The following NMRAL1 variants were observed in gnomAD, a reference collection of about 807,000 sequenced individuals.
The protein encoded by NMRAL1 is nmrA-like family domain-containing protein 1.
Under a neutral mutation model 27.5 loss-of-function variants are expected in NMRAL1, and 32 were observed. The observed-to-expected ratio is 1.16, with a 90% confidence interval of 0.88 to 1.56. NMRAL1 has a LOEUF of 1.56. Ranked by LOEUF, NMRAL1 falls within the 40% of genes most tolerant of loss-of-function variation. The pLI, the probability that NMRAL1 is intolerant of heterozygous loss-of-function variation, is 0.00. For missense variants in NMRAL1, 420 were observed against 392.0 expected (o/e 1.07, Z -0.60); for synonymous variants, 166 against 166.8 (o/e 1.00, Z 0.04).
chr16:4,466,339 C>A lies in NMRAL1; in HGVS notation c.343G>T (p.Glu115Ter). 6.2e-7 allele frequency: 1 copy of A among 1,613,888 alleles called. No homozygotes were observed. The highest frequency in any genetic ancestry group is 1.1e-5 in the South Asian group (1 of 91,062). Residue 115 changes from glutamate to a stop codon, truncating the protein, a stop_gained, in exon 4 of 6, where the codon GAG becomes TAG. Transcript: ENST00000283429. LOFTEE classifies it high-confidence loss of function. ...CCTGCCGTCAGCTTCTTGATGTTCTCCAGGCCGCTGTAGACCACATAGTGG... is the reference window on the plus strand; with the variant it reads ...CCTGCCGTCAGCTTCTTGATGTTCTACAGGCCGCTGTAGACCACATAGTGG... ...GLHYVVYSGLENIKKLTAGRL... is the reference protein window; with the variant it reads ...GLHYVVYSGL
chr16:4,474,376 G>C (rs919042237), intron 1 of NMRAL1, 178 bp downstream of exon 1: 3 of 495,362 alleles, frequency 6.1e-6, no homozygotes, highest in South Asian at 2.5e-5. Context: ...GCCTCCCCCG[G>C]TTCCAGTCAC....
chr16:4,470,753 C>G (rs2057531762), intron 2 of NMRAL1, among the ~76,000 whole-genome samples: 1 of 151,974 alleles, frequency 6.6e-6, no homozygotes, highest in Non-Finnish European at 1.5e-5. Context: ...CGAGACCATC[C>G]TGGCTAACAC....
upstream of NMRAL1, chr16:4,475,007 A>AGT (rs1320512536): frequency 6.6e-6 from 1 of 151,982 alleles, no homozygotes; most frequent in East Asian, 1.9e-4. Context: ...GCTGGTGTGC[A>AGT]GTGGCGCGAT....
In NMRAL1 at chr16:4,463,711, C is replaced by A; in HGVS notation, c.669G>T (p.Glu223Asp). Residue 223 changes from glutamate (E) to aspartate (D), a missense_variant, in exon 5 of 6, where the codon GAG (glutamate) becomes GAT (aspartate). Physicochemically the swap from Glu to Asp is conservative, Grantham distance 45. Transcript: ENST00000283429. ...GLSTCRHTAE[E>D]YAALLTKHTR... Reference sequence around the variant, plus strand: ...TGTGCTTGGTGAGCAGGGCAGCGTACTCCTCGGCCGTGTGCCTGCAAGTGC... The same window carrying A: ...TGTGCTTGGTGAGCAGGGCAGCGTAATCCTCGGCCGTGTGCCTGCAAGTGC... The A allele has an allele frequency of 6.2e-7, 1 of 1,614,062 alleles. No homozygotes were observed. The highest frequency in any genetic ancestry group is 1.7e-5 in the Admixed American group (1 of 60,016).
chr16:4,466,645 G>C (rs2057341026), intron 3 of NMRAL1: 2 of 541,924 alleles, frequency 3.7e-6, no homozygotes, highest in Admixed American at 3.1e-5. Flanking sequence ...ACATAGGACG[G>C]GGGGGCAGGT....
At chr16:4,467,689 G>A (rs1280527324) in intron 3 of NMRAL1, among the ~76,000 whole-genome samples, 5 of 148,064 alleles carry the variant, frequency 3.4e-5, no homozygotes, top group Non-Finnish European at 7.5e-5. Context: ...GCACAATCTT[G>A]GCTCACTGCA....
Position 4,469,354 on chromosome 16 carries a change from C to G in NMRAL1, c.152G>C (p.Gly51Ala). The G allele has an allele frequency of 1.2e-6, 2 of 1,614,134 alleles. No homozygotes were observed. Among genetic ancestry groups the G allele is most frequent in the Non-Finnish European group, 8.5e-7 (1 of 1,179,970 alleles). ...TTGGTCTCCCTGCACTACTTCTGCA[C>G]CTTGCAGCCTCAGCTCCTTTGCTGC... is the stretch of plus-strand genomic sequence containing the variant. The part of the protein sequence containing the change: ...KKAAKELRLQ[G>A]AEVVQGDQDD... The change falls in exon 3 of 6, where the codon GGT (glycine) becomes GCT (alanine). Residue 51 changes from glycine (G) to alanine (A), a missense_variant. Gly to Ala is a moderately conservative substitution (Grantham distance 60). Transcript: ENST00000283429.
chr16:4,472,743 CAAAA>C (rs1351049797), intron 2 of NMRAL1, among the ~76,000 whole-genome samples: 3 of 77,058 alleles, frequency 3.9e-5, no homozygotes, highest in Non-Finnish European at 5.7e-5. Flanking sequence ...GACTCTGTCT[CAAAA>C]AAAAAAAAAA....
chr16:4,475,680 G>C (rs1293729957), upstream of NMRAL1, among the ~76,000 whole-genome samples: 1 of 151,508 alleles, frequency 6.6e-6, no homozygotes, highest in Non-Finnish European at 1.5e-5. Context: ...GCGGTGGCCT[G>C]TAATTGCAGT....
intron 3 of NMRAL1, among the ~76,000 whole-genome samples, chr16:4,467,545 G>C (rs1454119048): frequency 6.6e-6 from 1 of 151,688 alleles, no homozygotes; most frequent in Admixed American, 6.6e-5. Flanking sequence ...CCAAGACTCT[G>C]GAGAGAGGGT....
intron 4 of NMRAL1, among the ~76,000 whole-genome samples, chr16:4,464,959 G>C (rs2057262188): frequency 6.7e-6 from 1 of 149,086 alleles, no homozygotes; most frequent in South Asian, 2.1e-4. Flanking sequence ...CCAGGCTGGA[G>C]TGCAGTGCCA....
In NMRAL1 at chr16:4,474,178, G is replaced by A. The variant is rs757637260; in HGVS notation, c.-34-12C>T. The A allele has an allele frequency of 1.3e-6, 2 of 1,596,456 alleles. No homozygotes were observed. The highest frequency in any genetic ancestry group is 1.7e-5 in the Admixed American group (1 of 58,504). ...TCCGGTCCAGAGATCTGGGGGTAAT[G>A]GGAGGCGTGGAGTTGGGGGTGGGGC... On this transcript the variant is annotated splice_polypyrimidine_tract_variant and intron_variant, in intron 1 of 5. Transcript: ENST00000283429.
rs532024887 is a variant in NMRAL1, at chr16:4,473,002, G to C, written c.40+1091C>G. On this transcript the variant is annotated intron_variant, in intron 2 of 5. Transcript: ENST00000283429. Reference sequence around the variant, plus strand: ...TTTTTTTTTTTTTTTTTGAGATCAGGTCTCACTCTGTTGCCCAGGCTGGAG... The same window carrying C: ...TTTTTTTTTTTTTTTTTGAGATCAGCTCTCACTCTGTTGCCCAGGCTGGAG... Among the ~76,000 whole-genome samples the C allele has an allele frequency of 4.8e-5, 7 of 146,658 alleles. No homozygotes were observed. The East Asian group carries it at 1.4e-3, about 29-fold the overall frequency.
chr16:4,468,042 G>A (rs543640167), intron 3 of NMRAL1, among the ~76,000 whole-genome samples: 3 of 152,106 alleles, frequency 2.0e-5, no homozygotes, highest in East Asian at 3.9e-4. Context: ...GCTCATGCCC[G>A]CAGTCCCAGC....
At chr16:4,465,708 A>C (rs2057296349) in intron 4 of NMRAL1, among the ~76,000 whole-genome samples, 1 of 152,122 alleles carries the variant, frequency 6.6e-6, no homozygotes, top group African/African-American at 2.4e-5. Context: ...CTGCCAGTAC[A>C]GGTGGGTGGC....
chr16:4,475,059 C>A (rs375911986), upstream of NMRAL1, among the ~76,000 whole-genome samples: 1 of 152,006 alleles, frequency 6.6e-6, no homozygotes, highest in East Asian at 1.9e-4. Flanking sequence ...TCAAGAGATT[C>A]TCCTGCCTCA....
In NMRAL1 at chr16:4,463,715, TC is replaced by T. The variant is rs754643598; in HGVS notation, c.664del (p.Glu222ArgfsTer20). ...IGLSTCRHTA[E>X]EYAALLTKHT... is the part of the protein sequence containing the mutation. Reference sequence around the variant, plus strand: ...CTTGGTGAGCAGGGCAGCGTACTCCTCGGCCGTGTGCCTGCAAGTGCTCAGC... The same window carrying T: ...CTTGGTGAGCAGGGCAGCGTACTCCTGGCCGTGTGCCTGCAAGTGCTCAGC... On this transcript the variant is annotated frameshift_variant, in exon 5 of 6. Transcript: ENST00000283429. LOFTEE classifies it high-confidence loss of function. 1 of 1,614,068 alleles carries T rather than the reference TC, an allele frequency of 6.2e-7. No homozygotes were observed. The highest frequency in any genetic ancestry group is 8.5e-7 in the Non-Finnish European group (1 of 1,180,044).
chr16:4,475,110 C>T (rs140358855), upstream of NMRAL1, among the ~76,000 whole-genome samples: 118 of 151,892 alleles, frequency 7.8e-4, no homozygotes, highest in African/African-American at 2.7e-3. Flanking sequence ...TGCCACCAAG[C>T]CCGGCTAATT....
intron 5 of NMRAL1, among the ~76,000 whole-genome samples, chr16:4,462,953 C>G (rs2057165134): frequency 1.3e-5 from 2 of 151,948 alleles, no homozygotes; most frequent in South Asian, 2.1e-4. Context: ...CTCCTGAGTT[C>G]AAGCGATTCT....
Sources: allele counts gnomAD v4.1 joint callset (sites outside exome capture counted in the v4.1 genomes callset), GRCh38; gene constraint gnomAD v4.1.1; transcripts MANE v1.5; gene names NCBI Gene and HGNC (gene_info 2026-07-23, HGNC 2026-07-21).